Variants in SLC16A14 observed in about 807,000 individuals in gnomAD.
SLC16A14 encodes the protein monocarboxylate transporter 14.
SLC16A14 carries 14 observed loss-of-function variants against 35.8 expected under a neutral mutation model. The ratio of observed to expected loss-of-function variants is 0.39; its 90% confidence interval spans 0.26 to 0.61. The LOEUF (loss-of-function observed/expected upper bound fraction) is 0.61. SLC16A14 is among the 20% of genes least tolerant of loss of function. The pLI is 0.51. For synonymous variants in SLC16A14, 248 were observed against 258.9 expected, an observed-to-expected ratio of 0.96 and a Z score of 0.40; for missense variants, 533 against 655.0, an observed-to-expected ratio of 0.81 and a Z score of 2.03.
Position 230,044,066 on chromosome 2 carries a change from G to A in SLC16A14, c.1381+1679C>T, listed in dbSNP as rs186153855. 4.2e-3 allele frequency among the ~76,000 whole-genome samples: 641 copies of A among 152,340 alleles called. 5 individuals are homozygous for A. The highest frequency in any genetic ancestry group is 0.013 in the African/African-American group (556 of 41,584). On this transcript the variant is annotated intron_variant, in intron 4 of 4. Coordinates refer to ENST00000295190, the MANE Select transcript of SLC16A14 (RefSeq NM_152527.5). ...CCTAATTTCTGGACCCAGTGAATAT[G>A]TGACCTAATAGGGCAAAAGGGACAT...
In SLC16A14 at chr2:230,068,628, G is replaced by A. The variant is rs55844659; in HGVS notation, c.-88C>T. 6.5e-6 allele frequency: 1 copy of A among 152,682 alleles called. No individual in the cohort carries two copies. The highest frequency in any genetic ancestry group is 2.4e-5 in the African/African-American group (1 of 41,446). 9.5% of individuals were successfully genotyped at this position (152,682 alleles called of 1,614,324 possible). A position where few individuals can be genotyped will look rare whatever the true frequency, so the allele number is the denominator to read the frequency against. ...CCTCGAACTTGCTGCTCTGCTTGGAGCCCCCTGAGCTGCTGGGTGTAGAGA... is the reference window on the plus strand; with the variant it reads ...CCTCGAACTTGCTGCTCTGCTTGGAACCCCCTGAGCTGCTGGGTGTAGAGA... On this transcript the variant is annotated 5_prime_UTR_variant, in exon 1 of 5. Transcript: ENST00000295190. This position sits in a 1 kb window ranked among gnomAD's most constrained non-coding sequence, Gnocchi z 5.1.
chr2:230,060,693 A>G (rs56347472), intron 1 of SLC16A14, among the ~76,000 whole-genome samples: 70,071 of 148,958 alleles, frequency 0.47, 16,797 homozygotes, highest in African/African-American at 0.56. Flanking sequence ...TTTTGGGGGG[A>G]GGGGATGAGA....
In SLC16A14 at chr2:230,059,179, G is replaced by T; in HGVS notation, c.174C>A (p.Asn58Lys). The change falls in exon 2 of 5, where the codon AAC becomes AAA. Residue 58 changes from asparagine (N) to lysine (K), a missense_variant. Asn to Lys is a moderately conservative substitution (Grantham distance 94, BLOSUM62 0). Transcript: ENST00000295190. ...MGSQMALGVL[N>K]VEWLEEFHQS... ...GGTGGAATTCTTCCAGCCATTCCAC[G>T]TTGAGGACACCCAGGGCCATCTGGG... The T allele has an allele frequency of 1.9e-6, 3 of 1,614,170 alleles. No individual in the cohort carries two copies. Among genetic ancestry groups the T allele is most frequent in the Non-Finnish European group, 1.7e-6 (2 of 1,180,046 alleles).
At chr2:230,062,456 C>G (rs1254945708) in intron 1 of SLC16A14, among the ~76,000 whole-genome samples, 1 of 151,382 alleles carries the variant, frequency 6.6e-6, no homozygotes, top group Non-Finnish European at 1.5e-5. Context: ...TCCAGTGATC[C>G]TTCTGCCTCA....
At chr2:230,067,569 T>TCACA (rs1229097473) in intron 1 of SLC16A14, among the ~76,000 whole-genome samples, 9 of 121,256 alleles carry the variant, frequency 7.4e-5, no homozygotes, top group Non-Finnish European at 1.6e-4. Flanking sequence ...TCTCTCTCTC[T>TCACA]CTCACACACA....
At chr2:230,044,274 A>T (rs1577384985) in intron 4 of SLC16A14, among the ~76,000 whole-genome samples, 1 of 151,002 alleles carries the variant, frequency 6.6e-6, no homozygotes, top group African/African-American at 2.4e-5. Context: ...GGAGTTCGAG[A>T]CCAGCCTGGC....
rs139134151 is a variant in SLC16A14 at position 230,054,405 on chromosome 2, G to A, written c.260-4501C>T. Among the ~76,000 whole-genome samples, 311 of 152,278 alleles carry A rather than the reference G, an allele frequency of 2.0e-3. 2 individuals carry two copies. Among genetic ancestry groups the A allele is most frequent in the African/African-American group, 7.2e-3 (301 of 41,550 alleles). ...GAGAAAGGGTTATATAGCTCCACAG[G>A]TAGCTACTCTATGTTCACCTTATTT... On this transcript the variant is annotated intron_variant, in intron 2 of 4. Coordinates refer to ENST00000295190, the MANE Select transcript of SLC16A14 (RefSeq NM_152527.5).
chr2:230,054,103 G>A (rs1233091947), intron 2 of SLC16A14, among the ~76,000 whole-genome samples: 1 of 149,758 alleles, frequency 6.7e-6, no homozygotes, highest in Non-Finnish European at 1.5e-5. Flanking sequence ...GGAAGTTAAA[G>A]CTCCCCAGGT....
chr2:230,047,304 CTTCTTT>C (rs2077617136), intron 3 of SLC16A14, among the ~76,000 whole-genome samples: 1 of 117,758 alleles, frequency 8.5e-6, no homozygotes, highest in South Asian at 3.3e-4. Flanking sequence ...AAATATCTGA[CTTCTTT>C]TTTTTTTTTT....
Position 230,036,583 on chromosome 2 carries a change from C to G in SLC16A14, c.*797G>C, listed in dbSNP as rs189208193. ...AGGCCCCACCTCATGCTTATATCAT[C>G]TAAGAGGCCAATGATACGAATAAAA... On this transcript the variant is annotated 3_prime_UTR_variant, in exon 5 of 5. Coordinates refer to ENST00000295190, the MANE Select transcript of SLC16A14 (RefSeq NM_152527.5). 1.9e-4 allele frequency: 29 copies of G among 152,308 alleles called. No homozygotes were observed. Among genetic ancestry groups the G allele is most frequent in the African/African-American group, 5.8e-4 (24 of 41,562 alleles). The allele number at this position is 152,308 out of a possible 1,614,324, so 9.4% of individuals were successfully genotyped here.
At chr2:230,044,383 C>T (rs936479227) in intron 4 of SLC16A14, among the ~76,000 whole-genome samples, 1 of 149,990 alleles carries the variant, frequency 6.7e-6, no homozygotes, top group Non-Finnish European at 1.5e-5. Context: ...GAGGCTGAGG[C>T]AGGATAATTG....
intron 1 of SLC16A14, chr2:230,066,723 C>T: frequency 1.3e-5 from 5 of 394,810 alleles, no homozygotes; most frequent in South Asian, 9.0e-5. Context: ...CAACTTCCGC[C>T]TCCCGAGTTC....
In SLC16A14 at chr2:230,059,214, T is replaced by C; in HGVS notation, c.139A>G (p.Ile47Val). The C allele has an allele frequency of 3.1e-6, 5 of 1,614,210 alleles. No individual in the cohort carries two copies. The highest frequency in any genetic ancestry group is 4.2e-6 in the Non-Finnish European group (5 of 1,180,042). ...VLSSFFVHIL[I>V]MGSQMALGVL... ...CCCAGGGCCATCTGGGAGCCCATGA[T>C]GAGGATGTGCACAAAGAAAGAGGAG... Residue 47 changes from isoleucine (I) to valine (V), a missense_variant, in exon 2 of 5, where the codon ATC becomes GTC. Transcript: ENST00000295190.
Position 230,037,267 on chromosome 2 carries a change from G to C in SLC16A14, c.*113C>G. ...GTGACAATGGCATTTACAAATGACA[G>C]TGCCAGTTACCGTACAAAATGCTTT... On this transcript the variant is annotated 3_prime_UTR_variant, in exon 5 of 5. Coordinates refer to ENST00000295190, the MANE Select transcript of SLC16A14 (RefSeq NM_152527.5). The C allele has an allele frequency of 1.1e-6, 1 of 930,432 alleles. No individual in the cohort carries two copies. The highest frequency in any genetic ancestry group is 1.6e-6 in the Non-Finnish European group (1 of 638,976). The allele number at this position is 930,432 out of a possible 1,614,324, so 57.6% of individuals were successfully genotyped here.
intron 1 of SLC16A14, 122 bp from the exon 2 acceptor site, chr2:230,059,488 G>T: frequency 1.5e-6 from 1 of 677,612 alleles, no homozygotes; most frequent in Non-Finnish European, 2.4e-6. Flanking sequence ...CTGATCTTCA[G>T]GTTAATCTTT....
intron 1 of SLC16A14, among the ~76,000 whole-genome samples, chr2:230,067,565 T>TCA (rs1477437559): frequency 6.3e-4 from 27 of 42,620 alleles, no homozygotes; most frequent in African/African-American, 1.5e-3. Flanking sequence ...TCTCTCTCTC[T>TCA]CTCTCTCACA....
chr2:230,051,665 AC>A lies in SLC16A14; in HGVS notation c.260-1762del, dbSNP rs548917446. 5.9e-5 allele frequency among the ~76,000 whole-genome samples: 9 copies of A among 152,342 alleles called. No homozygotes were observed. The South Asian group carries it at 1.4e-3, about 25-fold the overall frequency. On this transcript the variant is annotated intron_variant, in intron 2 of 4. Transcript: ENST00000295190. ...TTTTTGATCATTACAAAGTTATGAA[AC>A]CTTATATGCAGATGAACTATATTAA...
At chr2:230,056,058 T>C (rs13399689) in intron 2 of SLC16A14, among the ~76,000 whole-genome samples, 1 of 152,030 alleles carries the variant, frequency 6.6e-6, no homozygotes, top group Non-Finnish European at 1.5e-5. Flanking sequence ...AGTTCAACAA[T>C]GTTACAGACA....
chr2:230,050,191 C>G (rs1389426114), intron 2 of SLC16A14, among the ~76,000 whole-genome samples: 1 of 152,220 alleles, frequency 6.6e-6, no homozygotes, highest in African/African-American at 2.4e-5. Flanking sequence ...TATCTCTAGC[C>G]TGTGGATACA....
Sources: gnomAD v4.1 joint callset for allele counts (sites outside exome capture counted in the v4.1 genomes callset) on GRCh38, gnomAD v4.1.1 for gene constraint, Gnocchi (gnomAD v3.1) non-coding constraint, MANE v1.5 for transcripts, NCBI Gene and HGNC (gene_info 2026-07-23, HGNC 2026-07-21) for gene names.